The following RHD variants were observed in gnomAD, a reference collection of about 807,000 sequenced individuals.
The protein encoded by RHD is Rh blood group D antigen.
RHD carries 16 observed loss-of-function variants against 45.5 expected under a neutral mutation model. The observed-to-expected ratio is 0.35, with a 90% CI of 0.24 to 0.53. RHD has a LOEUF of 0.53. RHD is among the 20% of genes least tolerant of loss of function. The probability of loss-of-function intolerance (pLI) is 0.92; values close to 1 mark genes in which losing one functional copy is unlikely to be tolerated. For synonymous variants in RHD, 131 were observed against 217.5 expected, an observed-to-expected ratio of 0.60 and a Z score of 3.50; for missense variants, 306 against 532.0, an observed-to-expected ratio of 0.58 and a Z score of 4.18.
intron 3 of RHD, among the ~76,000 whole-genome samples, chr1:25,295,904 C>A (rs1208222811): frequency 1.1e-5 from 1 of 89,892 alleles, no homozygotes; most frequent in Non-Finnish European, 2.3e-5. Context: ...CTGTTGTCAT[C>A]CAGGCTGGAT....
Position 25,275,318 on chromosome 1 carries a change from G to C in RHD, c.148+2623G>C, listed in dbSNP as rs916566986. ...AATAATAGTAATAAATAAAAATAAAGAGGGAAGCAGCGGGTGGCAGACTCA... is the reference window on the plus strand; with the variant it reads ...AATAATAGTAATAAATAAAAATAAACAGGGAAGCAGCGGGTGGCAGACTCA... On this transcript the variant is annotated intron_variant, in intron 1 of 9. Coordinates refer to ENST00000328664, the MANE Select transcript of RHD (RefSeq NM_016124.6). Among the ~76,000 whole-genome samples, 12 of 131,800 alleles carry C rather than the reference G, an allele frequency of 9.1e-5. 5 individuals carry two copies. Among genetic ancestry groups the C allele is most frequent in the Admixed American group, 1.5e-4 (2 of 13,506 alleles). 86.5% of individuals were successfully genotyped at this position (131,800 alleles called of 152,430 possible).
rs1644157492 is a variant in RHD, at chr1:25,311,695, C to T, written c.1073+4966C>T. Among the ~76,000 whole-genome samples, 2 of 129,556 alleles carry T rather than the reference C, an allele frequency of 1.5e-5. 1 individual carries two copies. The highest frequency in any genetic ancestry group is 3.6e-5 in the Non-Finnish European group (2 of 55,042). The allele number at this position is 129,556 out of a possible 152,430, so 85.0% of individuals were successfully genotyped here. A position where few individuals can be genotyped will look rare whatever the true frequency, so the allele number is the denominator to read the frequency against. On this transcript the variant is annotated intron_variant, in intron 7 of 9. Transcript: ENST00000328664. ...GGGCAGAATGGTTTGGAATGACCAG[C>T]TGCTGCCCAGGGCTGCCTTGGGTCT...
chr1:25,286,072 G>T (rs1404784904), intron 2 of RHD, among the ~76,000 whole-genome samples: 1 of 135,562 alleles, frequency 7.4e-6, no homozygotes, highest in African/African-American at 2.5e-5. Context: ...AAGTGGTGGA[G>T]ATGGCTCCAA....
chr1:25,272,801 A>G lies in RHD; in HGVS notation c.148+106A>G, dbSNP rs370772913. The G allele has an allele frequency of 1.6e-5, 20 of 1,269,638 alleles. 3 individuals carry two copies. The highest frequency in any genetic ancestry group is 2.0e-4 in the Middle Eastern group (1 of 5,090). 78.6% of individuals were successfully genotyped at this position (1,269,638 alleles called of 1,614,324 possible). On this transcript the variant is annotated intron_variant, in intron 1 of 9. Transcript: ENST00000328664. ...CAGATGTTCCTTTCTACAAAATCCC[A>G]AGGAAAAAGATTCCCCCATCTTCTT...
chr1:25,277,964 G>A lies in RHD; in HGVS notation c.148+5269G>A, dbSNP rs563672635. Among the ~76,000 whole-genome samples, 408 of 132,960 alleles carry A rather than the reference G, an allele frequency of 3.1e-3. 88 individuals are homozygous for A. Among genetic ancestry groups the A allele is most frequent in the South Asian group, 6.0e-3 (26 of 4,324 alleles). The allele number at this position is 132,960 out of a possible 152,430, so 87.2% of individuals were successfully genotyped here. ...GCTGGGATTACAGGCGTGAGCCACC[G>A]CGCCTGGCCCAAAAGCTTTAATTTC... is the stretch of plus-strand genomic sequence containing the variant. On this transcript the variant is annotated intron_variant, in intron 1 of 9. Coordinates refer to ENST00000328664, the MANE Select transcript of RHD (RefSeq NM_016124.6).
In RHD at chr1:25,313,062, A is replaced by G. The variant is rs190066100; in HGVS notation, c.1074-3938A>G. ...CATCCCTCAAATTTCATGTGTTGGA[A>G]ACTTAATCTCCAAATTCATATGTTG... On this transcript the variant is annotated intron_variant, in intron 7 of 9. Transcript: ENST00000328664. 3.5e-4 allele frequency among the ~76,000 whole-genome samples: 44 copies of G among 127,462 alleles called. 13 individuals carry two copies. Among genetic ancestry groups the G allele is most frequent in the Non-Finnish European group, 7.6e-4 (41 of 54,010 alleles). 83.6% of individuals were successfully genotyped at this position (127,462 alleles called of 152,430 possible). A position where few individuals can be genotyped will look rare whatever the true frequency, so the allele number is the denominator to read the frequency against.
chr1:25,322,481 T>TG lies in RHD; in HGVS notation c.1227+521dup, dbSNP rs1346504433. Among the ~76,000 whole-genome samples the TG allele has an allele frequency of 1.5e-5, 2 of 132,634 alleles. 1 individual carries two copies. The highest frequency in any genetic ancestry group is 3.6e-5 in the Non-Finnish European group (2 of 55,914). 87.0% of individuals were successfully genotyped at this position (132,634 alleles called of 152,430 possible). A position where few individuals can be genotyped will look rare whatever the true frequency, so the allele number is the denominator to read the frequency against. On this transcript the variant is annotated intron_variant, in intron 9 of 9. Coordinates refer to ENST00000328664, the MANE Select transcript of RHD (RefSeq NM_016124.6). ...TGAGGCCAGGAGTTCGAGACCAGCC[T>TG]GGCCAACGTGTCGAAACCCCATCTC...
intron 6 of RHD, among the ~76,000 whole-genome samples, chr1:25,305,642 C>T (rs1643761511): frequency 7.8e-6 from 1 of 128,160 alleles, no homozygotes; most frequent in African/African-American, 2.7e-5. Context: ...GCTCTTTTGC[C>T]CAGGCTGGAG....
chr1:25,312,953 A>AAAAAAAAAAAAAAAAT (rs1644243177), intron 7 of RHD, among the ~76,000 whole-genome samples: 1 of 110,972 alleles, frequency 9.0e-6, no homozygotes, highest in Non-Finnish European at 2.1e-5. Context: ...AAAAAAAAAA[A>AAAAAAAAAAAAAAAAT]AACTTTAGTG....
intron 2 of RHD, among the ~76,000 whole-genome samples, chr1:25,287,919 C>T (rs1307161383): frequency 7.6e-6 from 1 of 131,656 alleles, no homozygotes. Flanking sequence ...CAAGGGGTTT[C>T]ACCAGGTGGG....
Position 25,300,861 on chromosome 1 carries a change from G to C in RHD, c.487-85G>C. Reference sequence around the variant, plus strand: ...CTTCAAGTCACACCTCCTAAGTGAAGCTCTGAACTTTCTCCAAGGACTATC... The same window carrying C: ...CTTCAAGTCACACCTCCTAAGTGAACCTCTGAACTTTCTCCAAGGACTATC... On this transcript the variant is annotated intron_variant, in intron 3 of 9. Transcript: ENST00000328664. 1.5e-6 allele frequency: 2 copies of C among 1,302,678 alleles called. 1 individual carries two copies. Among genetic ancestry groups the C allele is most frequent in the East Asian group, 4.5e-5 (2 of 44,058 alleles). The allele number at this position is 1,302,678 out of a possible 1,614,324, so 80.7% of individuals were successfully genotyped here.
At chr1:25,314,516 C>G (rs1557558955) in intron 7 of RHD, among the ~76,000 whole-genome samples, 1 of 132,336 alleles carries the variant, frequency 7.6e-6, no homozygotes, top group African/African-American at 2.6e-5. Context: ...CTTTTTGAAA[C>G]AGAGTCTCCT....
chr1:25,311,036 G>A lies in RHD; in HGVS notation c.1073+4307G>A, dbSNP rs1173478458. On this transcript the variant is annotated intron_variant, in intron 7 of 9. Coordinates refer to ENST00000328664, the MANE Select transcript of RHD (RefSeq NM_016124.6). Reference sequence around the variant, plus strand: ...AAAGACAGTTCTGCAGTTCTGGTGAGGGCTTAAAGGAAGACCCCAGAACTA... The same window carrying A: ...AAAGACAGTTCTGCAGTTCTGGTGAAGGCTTAAAGGAAGACCCCAGAACTA... Among the ~76,000 whole-genome samples the A allele has an allele frequency of 1.5e-5, 2 of 130,998 alleles. 1 individual carries two copies. The highest frequency in any genetic ancestry group is 3.6e-5 in the Non-Finnish European group (2 of 55,422). The allele number at this position is 130,998 out of a possible 152,430, so 85.9% of individuals were successfully genotyped here. A position where few individuals can be genotyped will look rare whatever the true frequency, so the allele number is the denominator to read the frequency against.
rs1643669824 is a variant in RHD at position 25,304,814 on chromosome 1, T to C, written c.939+1355T>C. 1.5e-5 allele frequency: 2 copies of C among 131,672 alleles called. 1 individual carries two copies. Among genetic ancestry groups the C allele is most frequent in the Admixed American group, 1.5e-4 (2 of 13,522 alleles). 8.2% of individuals were successfully genotyped at this position (131,672 alleles called of 1,614,324 possible). ...CAAATTTCTTTTATCTCCTCTGGCT[T>C]TGAAACCCTGAAATGAAAGGAGGAA... On this transcript the variant is annotated intron_variant, in intron 6 of 9. Transcript: ENST00000328664.
chr1:25,295,936 C>T lies in RHD; in HGVS notation c.487-5010C>T, dbSNP rs1455917772. Among the ~76,000 whole-genome samples the T allele has an allele frequency of 2.8e-5, 3 of 106,176 alleles. 1 individual carries two copies. Among genetic ancestry groups the T allele is most frequent in the Non-Finnish European group, 6.2e-5 (3 of 48,028 alleles). The allele number at this position is 106,176 out of a possible 152,430, so 69.7% of individuals were successfully genotyped here. A position where few individuals can be genotyped will look rare whatever the true frequency, so the allele number is the denominator to read the frequency against. ...GGATTGCAATGTTGCAATCTTGGCT[C>T]ACTGCAACTTCTGCCTTCCAGGTTC... On this transcript the variant is annotated intron_variant, in intron 3 of 9. Transcript: ENST00000328664.
In RHD at chr1:25,291,773, A is replaced by G. The variant is rs35376830; in HGVS notation, c.486+982A>G. Among the ~76,000 whole-genome samples the G allele has an allele frequency of 7.6e-5, 10 of 132,410 alleles. 1 individual carries two copies. Among genetic ancestry groups the G allele is most frequent in the African/African-American group, 2.6e-4 (10 of 38,806 alleles). 86.9% of individuals were successfully genotyped at this position (132,410 alleles called of 152,430 possible). A position where few individuals can be genotyped will look rare whatever the true frequency, so the allele number is the denominator to read the frequency against. On this transcript the variant is annotated intron_variant, in intron 3 of 9. Transcript: ENST00000328664. The stretch of plus-strand genomic sequence containing the variant: ...TTGGGAGAGCCTGTCGAAAGTCTAA[A>G]TTTGAAGGCAGCTGTGAAGGTAAGG...
In RHD at chr1:25,322,190, T is replaced by C. The variant is rs1301491763; in HGVS notation, c.1227+228T>C. Among the ~76,000 whole-genome samples, 3 of 131,206 alleles carry C rather than the reference T, an allele frequency of 2.3e-5. 1 individual carries two copies. Among genetic ancestry groups the C allele is most frequent in the Non-Finnish European group, 5.4e-5 (3 of 55,354 alleles). 86.1% of individuals were successfully genotyped at this position (131,206 alleles called of 152,430 possible). ...CATTTCCCTGATACCTCAAATTCAT[T>C]CAGAGTCAGGGATGAGACAGCTTTC... is the stretch of plus-strand genomic sequence containing the variant. On this transcript the variant is annotated intron_variant, in intron 9 of 9. Coordinates refer to ENST00000328664, the MANE Select transcript of RHD (RefSeq NM_016124.6).
At chr1:25,299,740 T>C (rs1643234649) in intron 3 of RHD, among the ~76,000 whole-genome samples, 1 of 132,748 alleles carries the variant, frequency 7.5e-6, no homozygotes, top group South Asian at 2.3e-4. Context: ...TAACATGATC[T>C]GACTTGCATT....
chr1:25,275,544 C>T (rs1269056437), intron 1 of RHD, among the ~76,000 whole-genome samples: 1 of 131,772 alleles, frequency 7.6e-6, no homozygotes, highest in African/African-American at 2.6e-5. Context: ...TGATGGTGTA[C>T]ACACGATTTT....
Sources: gnomAD v4.1 joint callset for allele counts (sites outside exome capture counted in the v4.1 genomes callset) on GRCh38, gnomAD v4.1.1 for gene constraint, MANE v1.5 for transcripts, NCBI Gene and HGNC (gene_info 2026-07-23, HGNC 2026-07-21) for gene names.